VWA8: variants seen among roughly 807,000 people sequenced by gnomAD.
VWA8 encodes von Willebrand factor A domain-containing protein 8.
In VWA8, 221 loss-of-function variants were observed where a neutral mutation model predicts 241.5. The observed-to-expected ratio is 0.91, with a 90% CI of 0.82 to 1.02. The LOEUF is 1.02. VWA8 is among the 50% of genes least tolerant of loss of function. VWA8 has a pLI of 0.00. For synonymous variants in VWA8, 852 were observed against 827.1 expected (o/e 1.03, Z -0.52); for missense variants, 2,322 against 2,328.7 (o/e 1.00, Z 0.06).
At chr13:41,701,974 G>A (rs150291696) in intron 27 of VWA8, among the ~76,000 whole-genome samples, 19 of 152,024 alleles carry the variant, frequency 1.2e-4, no homozygotes, top group African/African-American at 4.1e-4. Flanking sequence ...GTTAAACCTG[G>A]GTATTTTAAA....
At chr13:41,691,569 T>C (rs1000536772) in intron 31 of VWA8, 124 bp from the exon 32 acceptor site, 37 of 1,280,256 alleles carry the variant, frequency 2.9e-5, no homozygotes, top group Non-Finnish European at 3.3e-5. Flanking sequence ...TAAGTAATAA[T>C]ATAGAAAAAT....
At chr13:41,892,667 T>C (rs12872369) in intron 4 of VWA8, among the ~76,000 whole-genome samples, 1 of 152,274 alleles carries the variant, frequency 6.6e-6, no homozygotes, top group Admixed American at 6.5e-5. Flanking sequence ...TCATATGGGG[T>C]CCCTCAGACC....
At chr13:41,920,969 A>G (rs949280698) in intron 2 of VWA8, among the ~76,000 whole-genome samples, 1 of 152,252 alleles carries the variant, frequency 6.6e-6, no homozygotes, top group Non-Finnish European at 1.5e-5. Flanking sequence ...AAAGCCTGGC[A>G]GAGAACACAA....
Position 41,571,748 on chromosome 13 carries a change from G to T in VWA8, c.5371-1042C>A, listed in dbSNP as rs573112036. Reference sequence around the variant, plus strand: ...CTTGGCCTCCCAAAGTGCCGAGATTGCAGCCTCTACCCGGCCGCCACCCCG... The same window carrying T: ...CTTGGCCTCCCAAAGTGCCGAGATTTCAGCCTCTACCCGGCCGCCACCCCG... On this transcript the variant is annotated intron_variant, in intron 43 of 44. Transcript: ENST00000379310. Among the ~76,000 whole-genome samples, 398 of 152,346 alleles carry T rather than the reference G, an allele frequency of 2.6e-3. 1 individual carries two copies. The highest frequency in any genetic ancestry group is 9.1e-3 in the African/African-American group (380 of 41,590).
intron 21 of VWA8, among the ~76,000 whole-genome samples, chr13:41,743,421 T>C (rs188135707): frequency 6.6e-6 from 1 of 152,194 alleles, no homozygotes; most frequent in Non-Finnish European, 1.5e-5. Context: ...GTAGTCCTAT[T>C]CCAAACTGTC....
chr13:41,936,923 C>T (rs986406921), intron 2 of VWA8, among the ~76,000 whole-genome samples: 4 of 152,106 alleles, frequency 2.6e-5, no homozygotes, highest in African/African-American at 9.7e-5. Context: ...AGATGATGGT[C>T]CCATAAGATT....
chr13:41,665,352 G>T (rs1326560499), intron 37 of VWA8, among the ~76,000 whole-genome samples: 1 of 152,012 alleles, frequency 6.6e-6, no homozygotes, highest in Admixed American at 6.6e-5. Flanking sequence ...GGCTTTGAAA[G>T]AATAAGTAAT....
intron 40 of VWA8, among the ~76,000 whole-genome samples, chr13:41,602,471 A>C (rs1277119465): frequency 1.3e-5 from 2 of 152,158 alleles, no homozygotes; most frequent in Non-Finnish European, 2.9e-5. Context: ...AAATGGAACC[A>C]ATATTTCACA....
chr13:41,830,575 G>A lies in VWA8; in HGVS notation c.1654C>T (p.Arg552Cys), dbSNP rs373156312. 10 of 1,613,692 alleles carry A rather than the reference G, an allele frequency of 6.2e-6. No individual in the cohort carries two copies. The highest frequency in any genetic ancestry group is 2.2e-5 in the South Asian group (2 of 91,064). The change falls in exon 14 of 45, where the codon CGT (arginine) becomes TGT (cysteine). Residue 552 changes from arginine (R) to cysteine (C), a missense_variant. Coordinates refer to ENST00000379310, the MANE Select transcript of VWA8 (RefSeq NM_015058.2). ...SRLLREDRYM[R>C]LKEELQLSDE... ...GACAGTTGCAGCTCCTCCTTTAAACGCATATACCTGTCTTCTCTCAGCAGC... is the reference window on the plus strand; with the variant it reads ...GACAGTTGCAGCTCCTCCTTTAAACACATATACCTGTCTTCTCTCAGCAGC...
rs193246668 is a variant in VWA8 at position 41,827,013 on chromosome 13, A to G, written c.1700+3516T>C. ...AAAAATAAGGCAATATATACATAGA[A>G]ACAGTCACTTTCTCCTCAATGCTCC... On this transcript the variant is annotated intron_variant, in intron 14 of 44. Transcript: ENST00000379310. 1.8e-3 allele frequency among the ~76,000 whole-genome samples: 272 copies of G among 152,360 alleles called. 2 individuals carry two copies. The highest frequency in any genetic ancestry group is 6.4e-3 in the African/African-American group (265 of 41,580).
At chr13:41,757,074 G>C (rs973881674) in intron 21 of VWA8, among the ~76,000 whole-genome samples, 2 of 151,480 alleles carry the variant, frequency 1.3e-5, no homozygotes, top group Non-Finnish European at 3.0e-5. Flanking sequence ...TGAAAATTCT[G>C]ATTCTTTCAT....
intron 17 of VWA8, among the ~76,000 whole-genome samples, chr13:41,793,661 A>G (rs886257119): frequency 1.3e-5 from 2 of 152,106 alleles, no homozygotes; most frequent in Non-Finnish European, 2.9e-5. Context: ...AAAATACAAA[A>G]AACAATTAGC....
chr13:41,571,209 G>C (rs896742856), intron 43 of VWA8, among the ~76,000 whole-genome samples: 1 of 151,966 alleles, frequency 6.6e-6, no homozygotes, highest in African/African-American at 2.4e-5. Flanking sequence ...ATTGGGGACA[G>C]GGAGCACTCT....
At chr13:41,751,696 T>G (rs1231824618) in intron 21 of VWA8, among the ~76,000 whole-genome samples, 1 of 152,124 alleles carries the variant, frequency 6.6e-6, no homozygotes, top group East Asian at 1.9e-4. Flanking sequence ...TGCTAAACGG[T>G]TTACTTCATT....
intron 17 of VWA8, among the ~76,000 whole-genome samples, chr13:41,807,276 A>T (rs1172405181): frequency 6.6e-6 from 1 of 152,194 alleles, no homozygotes; most frequent in Non-Finnish European, 1.5e-5. Flanking sequence ...AAGAACTAAT[A>T]CCAATCCTAC....
At chr13:41,628,642 G>A (rs1251441034) in intron 37 of VWA8, among the ~76,000 whole-genome samples, 1 of 152,144 alleles carries the variant, frequency 6.6e-6, no homozygotes, top group Non-Finnish European at 1.5e-5. Context: ...CATGAATGCA[G>A]CTAGAGGCCA....
intron 1 of VWA8, among the ~76,000 whole-genome samples, chr13:41,959,802 G>T (rs1878527870): frequency 6.6e-6 from 1 of 151,620 alleles, no homozygotes; most frequent in Non-Finnish European, 1.5e-5. Context: ...AGACACGGGG[G>T]TTTCACCGTG....
chr13:41,617,518 T>A (rs761015326), intron 37 of VWA8, among the ~76,000 whole-genome samples: 2 of 152,234 alleles, frequency 1.3e-5, no homozygotes, highest in Non-Finnish European at 2.9e-5. Context: ...CTTTAAGTTT[T>A]AGGGTACATG....
intron 29 of VWA8, 131 bp from the exon 30 acceptor site, chr13:41,693,103 C>A: frequency 3.6e-6 from 2 of 563,018 alleles, no homozygotes; most frequent in South Asian, 2.2e-5. Flanking sequence ...TATTGTAATA[C>A]TTAAGAAATA....
Sources: allele counts gnomAD v4.1 joint callset (sites outside exome capture counted in the v4.1 genomes callset), GRCh38; gene constraint gnomAD v4.1.1; transcripts MANE v1.5; gene names NCBI Gene and HGNC (gene_info 2026-07-23, HGNC 2026-07-21).